Variants in SLC11A2 observed in about 807,000 individuals in gnomAD.
The protein encoded by SLC11A2 is solute carrier family 11 member 2.
SLC11A2 carries 38 observed loss-of-function variants against 68.0 expected under a neutral mutation model. That is an observed-to-expected ratio of 0.56 (90% CI 0.43 to 0.73). SLC11A2 has a LOEUF of 0.73. SLC11A2 is among the 30% of genes least tolerant of loss of function. The pLI is 0.00. For synonymous variants in SLC11A2, 242 were observed against 250.6 expected (o/e 0.97, Z 0.32); for missense variants, 517 against 690.5 (o/e 0.75, Z 2.82).
At chr12:50,978,920 C>T (rs564990762), downstream of SLC11A2, among the ~76,000 whole-genome samples, 4 of 152,278 alleles carry the variant, frequency 2.6e-5, no homozygotes, top group Admixed American at 2.6e-4. Context: ...ATACACTCAC[C>T]TGCCTTTTAT....
At chr12:50,992,987 C>T in intron 11 of SLC11A2, 58 bp from the exon 12 acceptor site, 3 of 1,604,522 alleles carry the variant, frequency 1.9e-6, no homozygotes, top group Admixed American at 1.7e-5. Context: ...AGACAATATC[C>T]AAAACAGCAG....
intron 10 of SLC11A2, among the ~76,000 whole-genome samples, chr12:50,995,299 A>T (rs1033609371): frequency 2.0e-5 from 3 of 152,064 alleles, no homozygotes; most frequent in African/African-American, 7.3e-5. Context: ...ACAGTGCAAG[A>T]CTCCGTCTCA....
At chr12:51,004,130 A>G (rs1277847492) in intron 5 of SLC11A2, among the ~76,000 whole-genome samples, 1 of 152,086 alleles carries the variant, frequency 6.6e-6, no homozygotes, top group East Asian at 1.9e-4. Flanking sequence ...AGATTTTTTT[A>G]TTTTTTTGAA....
chr12:51,023,912 G>A (rs1321145760), intron 1 of SLC11A2, among the ~76,000 whole-genome samples: 1 of 151,922 alleles, frequency 6.6e-6, no homozygotes, highest in Admixed American at 6.6e-5. Context: ...AATCACTTGA[G>A]CCTGGGAGGT....
At chr12:50,967,063 A>G in the SLC11A2 span, among the ~76,000 whole-genome samples, 1 of 151,974 alleles carries the variant, frequency 6.6e-6, no homozygotes. Context: ...GCAGTAGGCC[A>G]AGATCACACC....
chr12:50,965,195 C>T, the SLC11A2 span, among the ~76,000 whole-genome samples: 1 of 152,030 alleles, frequency 6.6e-6, no homozygotes, highest in African/African-American at 2.4e-5. Flanking sequence ...CTCGCTACAG[C>T]CCCAAACTCC....
At chr12:50,998,460 TA>T (rs1226723045) in intron 8 of SLC11A2, among the ~76,000 whole-genome samples, 1 of 152,186 alleles carries the variant, frequency 6.6e-6, no homozygotes, top group Non-Finnish European at 1.5e-5. Context: ...CATGTTCATT[TA>T]AAAATCATTT....
intron 1 of SLC11A2, among the ~76,000 whole-genome samples, chr12:51,013,895 C>T (rs1223062776): frequency 6.6e-6 from 1 of 151,906 alleles, no homozygotes; most frequent in Admixed American, 6.6e-5. Context: ...GATCTTGGCT[C>T]ACTGCAACCT....
At position 50,988,433 on chromosome 12, in the gene SLC11A2, A is replaced by C. The variant is rs755430691; in HGVS notation, c.1578T>G (p.Gly526=). The part of the protein sequence containing the change: ...VAYLGFVFYL[G]WQCLIALGMS... Reference sequence around the variant, plus strand: ...TGCCCAGTGCAATCAAACATTGCCAACCCTGAAAGACAAAATATGGTCATC... The same window carrying C: ...TGCCCAGTGCAATCAAACATTGCCACCCCTGAAAGACAAAATATGGTCATC... The change falls in exon 16 of 16, where the codon GGT becomes GGG. Residue 526 remains glycine (G), a splice_region_variant and synonymous_variant. Transcript: ENST00000262052. 6.2e-7 allele frequency: 1 copy of C among 1,613,952 alleles called. No individual in the cohort carries two copies. Among genetic ancestry groups the C allele is most frequent in the Admixed American group, 1.7e-5 (1 of 60,004 alleles).
At chr12:50,963,559 C>T in the SLC11A2 span, among the ~76,000 whole-genome samples, 1 of 151,914 alleles carries the variant, frequency 6.6e-6, no homozygotes, top group Admixed American at 6.6e-5. Flanking sequence ...GCCTTTCATC[C>T]TGGGGCTAAA....
chr12:50,954,090 T>G, the SLC11A2 span: 1 of 1,594,484 alleles, frequency 6.3e-7, no homozygotes, highest in Non-Finnish European at 8.6e-7. Flanking sequence ...TTTGTCCCTA[T>G]AGGTAAGTAC....
At chr12:51,009,052 A>G (rs1475997331) in intron 2 of SLC11A2, 2 of 946,734 alleles carry the variant, frequency 2.1e-6, no homozygotes, top group Non-Finnish European at 3.3e-6. Context: ...CTAGCTTTTA[A>G]AAGAAAAGAA....
intron 1 of SLC11A2, chr12:51,024,901 C>G (rs1354497108): frequency 1.3e-5 from 2 of 152,160 alleles, no homozygotes; most frequent in East Asian, 3.8e-4. Flanking sequence ...CATGAGAAAC[C>G]AAGTATGCTG....
chr12:50,999,299 T>A, intron 7 of SLC11A2, 46 bp downstream of exon 7: 1 of 1,608,358 alleles, frequency 6.2e-7, no homozygotes, highest in Non-Finnish European at 8.5e-7. Flanking sequence ...ATCTGCCACA[T>A]GACAGAGAGC....
Position 50,992,892 on chromosome 12 carries a change from A to G in SLC11A2, c.1115T>C (p.Leu372Pro). The G allele has an allele frequency of 6.2e-7, 1 of 1,614,022 alleles. No individual in the cohort carries two copies. Among genetic ancestry groups the G allele is most frequent in the Non-Finnish European group, 8.5e-7 (1 of 1,179,972 alleles). The change falls in exon 12 of 16, where the codon CTC becomes CCC. Residue 372 changes from leucine to proline, a missense_variant. Coordinates refer to ENST00000262052, the MANE Select transcript of SLC11A2 (RefSeq NM_000617.3). ...CAGGATCCCCACTGCCCAAATGTAG[A>G]GTGCAGCAGGCCCAAAGTAACATCC... ...VLGCYFGPAALYIWAVGILAA... is the reference protein window; with the variant it reads ...VLGCYFGPAAPYIWAVGILAA...
At chr12:51,016,759 A>T (rs1179144265) in intron 1 of SLC11A2, among the ~76,000 whole-genome samples, 1 of 148,862 alleles carries the variant, frequency 6.7e-6, no homozygotes, top group Non-Finnish European at 1.5e-5. Context: ...AGGCAGGAGA[A>T]TTGCTTGAAC....
chr12:51,002,713 G>C (rs558516532), intron 5 of SLC11A2, among the ~76,000 whole-genome samples: 3 of 151,028 alleles, frequency 2.0e-5, no homozygotes, highest in Non-Finnish European at 4.4e-5. Context: ...AGGCCAAGGC[G>C]GGCAGATCAC....
intron 14 of SLC11A2, 27 bp downstream of exon 14, chr12:50,991,572 T>C (rs1283188786): frequency 6.3e-7 from 1 of 1,594,824 alleles, no homozygotes; most frequent in South Asian, 1.1e-5. Context: ...CAGCATCCCC[T>C]TTGGGAACGA....
chr12:51,027,687 T>C (rs932940875), upstream of SLC11A2, among the ~76,000 whole-genome samples: 1 of 152,134 alleles, frequency 6.6e-6, no homozygotes, highest in African/African-American at 2.4e-5. Context: ...TTTTCTGCAA[T>C]GTCGTTTACA....
Sources: gnomAD v4.1 joint callset for allele counts (sites outside exome capture counted in the v4.1 genomes callset) on GRCh38, gnomAD v4.1.1 for gene constraint, MANE v1.5 for transcripts, NCBI Gene and HGNC (gene_info 2026-07-23, HGNC 2026-07-21) for gene names.